FAM110B: variants seen among roughly 807,000 people sequenced by gnomAD.
The protein encoded by FAM110B is family with sequence similarity 110 member B.
In FAM110B, 6 loss-of-function variants were observed where a neutral mutation model predicts 20.4. That is an observed-to-expected ratio of 0.29 (90% CI 0.16 to 0.58). FAM110B has a LOEUF of 0.58. FAM110B is among the 20% of genes least tolerant of loss of function. FAM110B has a pLI of 0.90. For synonymous variants in FAM110B, 226 were observed against 214.1 expected (o/e 1.06, Z -0.49); for missense variants, 434 against 498.2 (o/e 0.87, Z 1.23).
intron 3 of FAM110B, among the ~76,000 whole-genome samples, chr8:58,128,774 G>A (rs958480143): frequency 1.3e-5 from 2 of 152,194 alleles, no homozygotes; most frequent in Admixed American, 6.5e-5. Flanking sequence ...ATTGAAAAAT[G>A]AGAAATTGCA....
chr8:58,030,923 A>G (rs990680299), intron 1 of FAM110B, among the ~76,000 whole-genome samples: 2 of 152,176 alleles, frequency 1.3e-5, no homozygotes, highest in African/African-American at 4.8e-5. Context: ...GCTTTCCTCC[A>G]GGAGTCTCCG....
chr8:58,096,105 C>T (rs1044812123), intron 3 of FAM110B, among the ~76,000 whole-genome samples: 3 of 152,076 alleles, frequency 2.0e-5, no homozygotes, highest in African/African-American at 4.8e-5. Context: ...AATATTTCTC[C>T]CATCCCTTTA....
At chr8:58,040,009 T>TA (rs34745551) in intron 2 of FAM110B, among the ~76,000 whole-genome samples, 43,541 of 151,802 alleles carry the variant, frequency 0.29, 6,537 homozygotes, top group Middle Eastern at 0.44. Flanking sequence ...TTTTAATTTT[T>TA]AAAAAAATTT....
At chr8:58,096,414 G>T (rs1806630334) in intron 3 of FAM110B, among the ~76,000 whole-genome samples, 1 of 152,150 alleles carries the variant, frequency 6.6e-6, no homozygotes, top group African/African-American at 2.4e-5. Context: ...CTGACCTCGT[G>T]ATCCACCTGC....
intron 2 of FAM110B, among the ~76,000 whole-genome samples, chr8:58,049,203 G>T (rs1805391146): frequency 6.6e-6 from 1 of 152,098 alleles, no homozygotes; most frequent in Non-Finnish European, 1.5e-5. Flanking sequence ...GCTTGGTTTT[G>T]ATATAACTTT....
chr8:58,099,068 G>A (rs1226966091), intron 3 of FAM110B: 2 of 152,174 alleles, frequency 1.3e-5, no homozygotes, highest in African/African-American at 4.8e-5. Flanking sequence ...CTGTTGATAG[G>A]AGGTTTTGTA....
intron 3 of FAM110B, among the ~76,000 whole-genome samples, chr8:58,119,877 G>A (rs542930657): frequency 6.6e-6 from 1 of 152,268 alleles, no homozygotes; most frequent in South Asian, 2.1e-4. Context: ...GGTAAGGTTG[G>A]TTATTATCAT....
intron 2 of FAM110B, among the ~76,000 whole-genome samples, chr8:58,072,718 C>A (rs1047549331): frequency 1.7e-4 from 26 of 152,194 alleles, no homozygotes; most frequent in Non-Finnish European, 1.0e-4. Flanking sequence ...CATAAACATA[C>A]ATATCATATT....
rs141717548 is a variant in FAM110B, at chr8:58,106,625, G to A, written c.-325+31002G>A. ...ATGAGGAATGGGGTTTTGACAGAAA[G>A]GACAAAGATATCCCATAGGAAGTGA... On this transcript the variant is annotated intron_variant, in intron 3 of 3. Transcript: ENST00000519262. Among the ~76,000 whole-genome samples the A allele has an allele frequency of 3.2e-3, 485 of 152,184 alleles. 2 individuals are homozygous for A. Among genetic ancestry groups the A allele is most frequent in the African/African-American group, 0.011 (472 of 41,514 alleles).
chr8:58,127,652 C>T (rs1219358687), intron 3 of FAM110B, among the ~76,000 whole-genome samples: 3 of 152,142 alleles, frequency 2.0e-5, no homozygotes, highest in African/African-American at 7.2e-5. Flanking sequence ...AATTGTATTT[C>T]TCAATAGTGG....
chr8:58,101,406 A>G (rs1327689871), intron 3 of FAM110B, among the ~76,000 whole-genome samples: 1 of 152,204 alleles, frequency 6.6e-6, no homozygotes, highest in African/African-American at 2.4e-5. Context: ...TTTATTTCTA[A>G]TCATCCTAGC....
intron 1 of FAM110B, among the ~76,000 whole-genome samples, chr8:58,006,923 A>ATATATATTTTTT: frequency 7.9e-6 from 1 of 126,528 alleles, no homozygotes; most frequent in Non-Finnish European, 1.6e-5. Flanking sequence ...ATATATATAT[A>ATATATATTTTTT]TTTTTCCAAA....
intron 2 of FAM110B, among the ~76,000 whole-genome samples, chr8:58,053,266 G>A (rs56215370): frequency 5.3e-5 from 8 of 152,354 alleles, no homozygotes; most frequent in African/African-American, 1.9e-4. Context: ...TGGGCCAGGG[G>A]TTGGCTGTCA....
At chr8:58,041,529 T>C (rs541384572) in intron 2 of FAM110B, among the ~76,000 whole-genome samples, 1 of 152,348 alleles carries the variant, frequency 6.6e-6, no homozygotes, top group East Asian at 1.9e-4. Flanking sequence ...CCCCAACAGT[T>C]TGATTTGTTG....
At chr8:58,075,275 T>TGTGTGTGTGTGTGTGTGTG (rs1554521069) in intron 2 of FAM110B, among the ~76,000 whole-genome samples, 67 of 141,734 alleles carry the variant, frequency 4.7e-4, no homozygotes, top group African/African-American at 1.9e-3. Context: ...TTTTTTTTTT[T>TGTGTGTGTGTGTGTGTGTG]TGTGTGTGTG....
chr8:58,042,565 A>G (rs890276950), intron 2 of FAM110B, among the ~76,000 whole-genome samples: 1 of 152,208 alleles, frequency 6.6e-6, no homozygotes, highest in African/African-American at 2.4e-5. Context: ...GATTGGTTGC[A>G]AGAGGTACTG....
intron 2 of FAM110B, among the ~76,000 whole-genome samples, chr8:58,064,134 C>T (rs1464232689): frequency 6.6e-6 from 1 of 152,182 alleles, no homozygotes; most frequent in African/African-American, 2.4e-5. Flanking sequence ...GGTGATGGTA[C>T]TGAACCATTC....
chr8:58,051,714 G>T (rs1325041719), intron 2 of FAM110B, among the ~76,000 whole-genome samples: 1 of 152,170 alleles, frequency 6.6e-6, no homozygotes, highest in Non-Finnish European at 1.5e-5. Context: ...CAGGGATGGA[G>T]ATAGATGTAT....
chr8:58,048,828 A>AT (rs1355068864), intron 2 of FAM110B, among the ~76,000 whole-genome samples: 1 of 152,066 alleles, frequency 6.6e-6, no homozygotes, highest in Non-Finnish European at 1.5e-5. Context: ...AGTTTCAGAA[A>AT]TTTTTTTTAG....
Sources: allele counts gnomAD v4.1 joint callset (sites outside exome capture counted in the v4.1 genomes callset), GRCh38; gene constraint gnomAD v4.1.1; transcripts MANE v1.5; gene names NCBI Gene and HGNC (gene_info 2026-07-23, HGNC 2026-07-21).